Variants in COL15A1 observed in about 807,000 individuals in gnomAD.
The protein encoded by COL15A1 is collagen type XV alpha 1 chain, also known as collagen alpha-1(XV) chain.
COL15A1 carries 111 observed loss-of-function variants against 165.9 expected under a neutral mutation model. That is an observed-to-expected ratio of 0.67 (90% CI 0.57 to 0.78). COL15A1 has a LOEUF of 0.78. Ranked by LOEUF, COL15A1 falls within the 30% of genes least tolerant of loss-of-function variation. The pLI, the probability that COL15A1 is intolerant of heterozygous loss-of-function variation, is 0.00. For missense variants in COL15A1, 1,745 were observed against 1,789.7 expected (o/e 0.98, Z 0.45); for synonymous variants, 659 against 674.8 (o/e 0.98, Z 0.36).
chr9:98,987,142 T>C (rs1838329311), intron 3 of COL15A1, 152 bp from the exon 4 acceptor site: 2 of 717,588 alleles, frequency 2.8e-6, no homozygotes, highest in Non-Finnish European at 4.8e-6. Flanking sequence ...GGCCAAGAGG[T>C]GGCCTGGCTT....
intron 40 of COL15A1, among the ~76,000 whole-genome samples, chr9:99,067,461 C>T (rs905886656): frequency 2.0e-5 from 3 of 152,190 alleles, no homozygotes; most frequent in Admixed American, 1.3e-4. Flanking sequence ...GGCACTTTGT[C>T]CTGAACCCTG....
At chr9:99,012,153 G>C (rs1374175656) in intron 9 of COL15A1, among the ~76,000 whole-genome samples, 1 of 152,168 alleles carries the variant, frequency 6.6e-6, no homozygotes, top group Non-Finnish European at 1.5e-5. Context: ...TTCTAATATT[G>C]CTTTACCAGT....
intron 2 of COL15A1, among the ~76,000 whole-genome samples, chr9:98,979,355 T>G (rs940551726): frequency 2.6e-5 from 4 of 152,242 alleles, no homozygotes; most frequent in Non-Finnish European, 4.4e-5. Context: ...GCCTGCTGCC[T>G]TAAACCCTTG....
At chr9:99,063,160 A>G (rs2117981448) in intron 39 of COL15A1, 51 bp downstream of exon 39, 4 of 1,534,570 alleles carry the variant, frequency 2.6e-6, no homozygotes, top group Non-Finnish European at 3.5e-6. Flanking sequence ...TATATCTGCT[A>G]AGTGCTAGGT....
chr9:99,027,065 G>GT (rs1839138385), intron 16 of COL15A1, among the ~76,000 whole-genome samples: 1 of 152,208 alleles, frequency 6.6e-6, no homozygotes, highest in South Asian at 2.1e-4. Flanking sequence ...CTGCAAGCCT[G>GT]TGCTGGTGCT....
rs550193726 is a variant in COL15A1 at position 99,017,312 on chromosome 9, G to T, written c.1647+1193G>T. ...TTGCCTGCCTCTGAGAGGTAGAGCT[G>T]GGATTTGAACCTGCATGCTGGCCTG... On this transcript the variant is annotated intron_variant, in intron 11 of 41. Coordinates refer to ENST00000375001, the MANE Select transcript of COL15A1 (RefSeq NM_001855.5). Among the ~76,000 whole-genome samples the T allele has an allele frequency of 1.6e-4, 24 of 152,312 alleles. 1 individual carries two copies. The South Asian group carries it at 4.8e-3, about 30-fold the overall frequency.
intron 30 of COL15A1, 98 bp downstream of exon 30, chr9:99,049,993 T>A: frequency 6.6e-7 from 1 of 1,520,516 alleles, no homozygotes; most frequent in Non-Finnish European, 9.1e-7. Context: ...TATCCTCAAA[T>A]GTCCTCTCTG....
chr9:98,965,924 G>T (rs985970757), intron 2 of COL15A1, among the ~76,000 whole-genome samples: 1 of 151,528 alleles, frequency 6.6e-6, no homozygotes, highest in Non-Finnish European at 1.5e-5. Context: ...CCTGTATCTG[G>T]GCCCCATGTT....
chr9:99,020,023 A>G (rs537343105), intron 11 of COL15A1, among the ~76,000 whole-genome samples: 1 of 152,336 alleles, frequency 6.6e-6, no homozygotes, highest in East Asian at 1.9e-4. Context: ...CTAAGGACTG[A>G]CTAATAGATC....
chr9:99,044,773 A>G lies in COL15A1; in HGVS notation c.2679+3A>G, dbSNP rs1480274897. The G allele has an allele frequency of 6.2e-7, 1 of 1,612,940 alleles. No homozygotes were observed. The stretch of plus-strand genomic sequence containing the variant: ...TGCATGGAGCCCCAGGACCAATGGT[A>G]AGTCAGAGCGTCTCTCAGCTGGATC... On this transcript the variant is annotated splice_donor_region_variant and intron_variant, in intron 26 of 41. Transcript: ENST00000375001.
At chr9:99,047,862 C>A (rs1839519005) in intron 27 of COL15A1, 23 bp downstream of exon 27, 1 of 1,613,298 alleles carries the variant, frequency 6.2e-7, no homozygotes, top group Non-Finnish European at 8.5e-7. Flanking sequence ...GTTCATTGGA[C>A]AGGCTGGAGG....
At chr9:98,973,991 T>G (rs1328492493) in intron 2 of COL15A1, among the ~76,000 whole-genome samples, 2 of 152,224 alleles carry the variant, frequency 1.3e-5, no homozygotes, top group Non-Finnish European at 2.9e-5. Context: ...ATATGCCAAG[T>G]TGGTGGCAGA....
At chr9:99,025,424 G>A (rs909685980) in intron 15 of COL15A1, among the ~76,000 whole-genome samples, 1 of 152,180 alleles carries the variant, frequency 6.6e-6, no homozygotes, top group Non-Finnish European at 1.5e-5. Flanking sequence ...TAATGGAAGT[G>A]TTCTGAGTAT....
intron 30 of COL15A1, among the ~76,000 whole-genome samples, chr9:99,050,860 G>A (rs1042846234): frequency 4.6e-5 from 7 of 152,162 alleles, no homozygotes; most frequent in African/African-American, 1.7e-4. Context: ...GTTTGGCCGC[G>A]TATTTGCCCA....
At position 99,035,029 on chromosome 9, in the gene COL15A1, A is replaced by G; in HGVS notation, c.2095A>G (p.Arg699Gly). 6.2e-7 allele frequency: 1 copy of G among 1,613,454 alleles called. No homozygotes were observed. The highest frequency in any genetic ancestry group is 8.5e-7 in the Non-Finnish European group (1 of 1,179,544). Residue 699 changes from arginine (R) to glycine (G), a missense_variant, in exon 18 of 42, where the codon AGA becomes GGA. Physicochemically the swap from Arg to Gly is moderately radical, Grantham distance 125 (BLOSUM62 -2). Coordinates refer to ENST00000375001, the MANE Select transcript of COL15A1 (RefSeq NM_001855.5). ...SVGEKGDPGN[R>G]GLPGPPGKKG... ...TTTCCTACAGGGTGACCCTGGCAACAGAGGCTTACCTGGACCCCCGGGGAA... is the reference window on the plus strand; with the variant it reads ...TTTCCTACAGGGTGACCCTGGCAACGGAGGCTTACCTGGACCCCCGGGGAA...
Position 99,070,486 on chromosome 9 carries a change from TA to T in COL15A1, c.*601del. ...GGAATTTTATATTTTTACACAATCA[TA>T]TTTTAGTATGGTGTCTGTTTATGTA... On this transcript the variant is annotated 3_prime_UTR_variant, in exon 42 of 42. Transcript: ENST00000375001. The T allele has an allele frequency of 3.7e-6, 1 of 269,610 alleles. No homozygotes were observed. Among genetic ancestry groups the T allele is most frequent in the Non-Finnish European group, 7.5e-6 (1 of 133,556 alleles). 16.7% of individuals were successfully genotyped at this position (269,610 alleles called of 1,614,324 possible). A position where few individuals can be genotyped will look rare whatever the true frequency, so the allele number is the denominator to read the frequency against.
In COL15A1 at chr9:99,062,029, G is replaced by A. The variant is rs769333921; in HGVS notation, c.3461G>A (p.Gly1154Glu). 3 of 1,614,048 alleles carry A rather than the reference G, an allele frequency of 1.9e-6. No homozygotes were observed. In the South Asian group the frequency reaches 3.3e-5, roughly 18 times the overall value. The stretch of plus-strand genomic sequence containing the variant: ...CAGAAAGCGCATTTGGTTATAGAAG[G>A]AACATTCATCTACCTGAGGGACAGC... ...MLQKAHLVIE[G>E]TFIYLRDSTE... is the part of the protein sequence containing the mutation. The change falls in exon 37 of 42, where the codon GGA (glycine) becomes GAA (glutamate). Residue 1154 changes from glycine (G) to glutamate (E), a missense_variant. Physicochemically the swap from Gly to Glu is moderately conservative, Grantham distance 98. Coordinates refer to ENST00000375001, the MANE Select transcript of COL15A1 (RefSeq NM_001855.5).
intron 2 of COL15A1, among the ~76,000 whole-genome samples, chr9:98,981,216 G>A (rs187583792): frequency 6.6e-5 from 10 of 152,322 alleles, no homozygotes; most frequent in African/African-American, 2.2e-4. Flanking sequence ...CCAGCACTTT[G>A]GGAGGTCAAG....
intron 2 of COL15A1, among the ~76,000 whole-genome samples, chr9:98,979,893 C>T (rs1284319184): frequency 1.3e-5 from 2 of 152,018 alleles, no homozygotes; most frequent in Admixed American, 6.5e-5. Flanking sequence ...CGCAGGGGCT[C>T]ACACCTGTAA....
Sources: gnomAD v4.1 joint callset for allele counts (sites outside exome capture counted in the v4.1 genomes callset) on GRCh38, gnomAD v4.1.1 for gene constraint, MANE v1.5 for transcripts, NCBI Gene and HGNC (gene_info 2026-07-23, HGNC 2026-07-21) for gene names.